The following PDLIM5 variants were observed in gnomAD, a reference collection of about 807,000 sequenced individuals.
PDLIM5 encodes PDZ and LIM domain protein 5.
PDLIM5 carries 34 observed loss-of-function variants against 64.2 expected under a neutral mutation model. The observed-to-expected ratio is 0.53, with a 90% CI of 0.40 to 0.71. The LOEUF (loss-of-function observed/expected upper bound fraction) is 0.71. PDLIM5 is among the 30% of genes least tolerant of loss of function. The pLI, the probability that PDLIM5 is intolerant of heterozygous loss-of-function variation, is 0.00. For synonymous variants in PDLIM5, 253 were observed against 269.1 expected, an observed-to-expected ratio of 0.94 and a Z score of 0.59; for missense variants, 683 against 733.6, an observed-to-expected ratio of 0.93 and a Z score of 0.80.
At chr4:94,527,855 G>T (rs1212378112) in intron 3 of PDLIM5, among the ~76,000 whole-genome samples, 1 of 152,184 alleles carries the variant, frequency 6.6e-6, no homozygotes, top group African/African-American at 2.4e-5. Flanking sequence ...AGAGGGCTAG[G>T]AGGTAGCTTA....
chr4:94,529,069 G>A (rs1730626271), intron 3 of PDLIM5, among the ~76,000 whole-genome samples: 1 of 152,198 alleles, frequency 6.6e-6, no homozygotes, highest in African/African-American at 2.4e-5. Flanking sequence ...AGAACTTGTA[G>A]GGCCTTGTGG....
intron 3 of PDLIM5, among the ~76,000 whole-genome samples, chr4:94,559,851 A>G (rs1408342052): frequency 6.6e-6 from 1 of 152,236 alleles, no homozygotes; most frequent in Non-Finnish European, 1.5e-5. Flanking sequence ...CATGTTGGAT[A>G]CACAGTAATA....
chr4:94,472,583 G>T (rs766549195), intron 2 of PDLIM5, among the ~76,000 whole-genome samples: 1 of 152,192 alleles, frequency 6.6e-6, no homozygotes, highest in Non-Finnish European at 1.5e-5. Flanking sequence ...TGCTTTCTAG[G>T]TGTTTTTCCA....
chr4:94,650,798 C>T (rs943276612), intron 9 of PDLIM5, among the ~76,000 whole-genome samples: 1 of 151,982 alleles, frequency 6.6e-6, no homozygotes, highest in Non-Finnish European at 1.5e-5. Context: ...CCTTCCCTAC[C>T]TTTCCTTTCT....
At chr4:94,560,006 C>T (rs921868238) in intron 3 of PDLIM5, among the ~76,000 whole-genome samples, 5 of 152,084 alleles carry the variant, frequency 3.3e-5, no homozygotes, top group African/African-American at 7.2e-5. Flanking sequence ...CTGGCCAGCC[C>T]GTGACTGTTT....
At chr4:94,494,432 G>GTTTTTTTTTTTTTTTTTTTTTTT (rs61675663) in intron 2 of PDLIM5, among the ~76,000 whole-genome samples, 3 of 70,770 alleles carry the variant, frequency 4.2e-5, no homozygotes, top group Middle Eastern at 0.011. Context: ...TTTTTTTCTT[G>GTTTTTTTTTTTTTTTTTTTTTTT]TTTTTTTTTT....
intron 5 of PDLIM5, among the ~76,000 whole-genome samples, chr4:94,583,736 T>A (rs1378195591): frequency 6.6e-6 from 1 of 152,222 alleles, no homozygotes; most frequent in African/African-American, 2.4e-5. Flanking sequence ...GCATAAATGT[T>A]ACTGATTTGT....
chr4:94,468,140 TCACTTTTTTCCCTCTATG>T (rs1402288750), intron 2 of PDLIM5, among the ~76,000 whole-genome samples: 1 of 152,134 alleles, frequency 6.6e-6, no homozygotes, highest in African/African-American at 2.4e-5. Flanking sequence ...GATGGAACTT[TCACTTTTTTCCCTCTATG>T]CACTTTTTTT....
At chr4:94,568,796 C>T (rs1385191059) in intron 3 of PDLIM5, among the ~76,000 whole-genome samples, 2 of 152,208 alleles carry the variant, frequency 1.3e-5, no homozygotes, top group African/African-American at 4.8e-5. Context: ...ATATATAAAA[C>T]ACTTATTCTT....
At chr4:94,631,957 T>C (rs950873617) in intron 8 of PDLIM5, among the ~76,000 whole-genome samples, 1 of 152,282 alleles carries the variant, frequency 6.6e-6, no homozygotes, top group Non-Finnish European at 1.5e-5. Flanking sequence ...CTAGCTTAGA[T>C]ACTTCTCCTG....
chr4:94,589,593 C>T (rs987374096), intron 7 of PDLIM5, among the ~76,000 whole-genome samples: 3 of 152,130 alleles, frequency 2.0e-5, no homozygotes, highest in Non-Finnish European at 4.4e-5. Context: ...TATTGTAAAT[C>T]TAGTGACCTA....
At chr4:94,452,665 CAAT>C (rs1317212539) in intron 1 of PDLIM5, among the ~76,000 whole-genome samples, 1 of 152,120 alleles carries the variant, frequency 6.6e-6, no homozygotes, top group Non-Finnish European at 1.5e-5. Flanking sequence ...GTGCGTTTTA[CAAT>C]AAGTGGAAAA....
At chr4:94,598,210 T>C (rs575300725) in intron 7 of PDLIM5, among the ~76,000 whole-genome samples, 3 of 152,154 alleles carry the variant, frequency 2.0e-5, no homozygotes, top group Non-Finnish European at 4.4e-5. Flanking sequence ...CCAATAAGGT[T>C]GGCAAACCTA....
intron 10 of PDLIM5, 134 bp downstream of exon 10, chr4:94,654,774 A>G (rs1438282457): frequency 6.5e-6 from 4 of 612,422 alleles, no homozygotes; most frequent in Non-Finnish European, 1.1e-5. Flanking sequence ...ACTATTTATT[A>G]TTGTAAAGCA....
chr4:94,567,905 G>A (rs1483222932), intron 3 of PDLIM5, among the ~76,000 whole-genome samples: 3 of 152,180 alleles, frequency 2.0e-5, no homozygotes, highest in African/African-American at 7.2e-5. Context: ...TGGAAGTTCA[G>A]ATGGATCACC....
At chr4:94,562,597 T>C (rs1733941161) in intron 3 of PDLIM5, among the ~76,000 whole-genome samples, 1 of 152,214 alleles carries the variant, frequency 6.6e-6, no homozygotes, top group African/African-American at 2.4e-5. Flanking sequence ...TCAAGGTTTT[T>C]GTTTAGTGGA....
intron 11 of PDLIM5, among the ~76,000 whole-genome samples, chr4:94,661,516 G>A (rs889648435): frequency 6.6e-6 from 1 of 152,180 alleles, no homozygotes; most frequent in East Asian, 1.9e-4. Context: ...CAAGTAAATG[G>A]TCTTTTCTGG....
Position 94,585,654 on chromosome 4 carries a change from A to G in PDLIM5, c.800A>G (p.Asp267Gly), listed in dbSNP as rs766480634. ...SDASKKRLIE[D>G]TEDWRPRTGT... Reference sequence around the variant, plus strand: ...GCCAGCAAGAAGAGACTGATTGAGGATACTGAAGACTGGCGTCCAAGGACT... The same window carrying G: ...GCCAGCAAGAAGAGACTGATTGAGGGTACTGAAGACTGGCGTCCAAGGACT... The change falls in exon 6 of 13, where the codon GAT becomes GGT. Residue 267 changes from aspartate to glycine, a missense_variant. By Grantham distance (94) the Asp-to-Gly change is moderately conservative. Transcript: ENST00000317968. 1.2e-6 allele frequency: 2 copies of G among 1,613,066 alleles called. No homozygotes were observed. Among genetic ancestry groups the G allele is most frequent in the South Asian group, 1.1e-5 (1 of 91,040 alleles).
intron 2 of PDLIM5, among the ~76,000 whole-genome samples, chr4:94,475,710 A>G (rs1411933778): frequency 6.6e-6 from 1 of 152,222 alleles, no homozygotes; most frequent in South Asian, 2.1e-4. Flanking sequence ...GAATATACTT[A>G]ACATTACTAA....
Sources: gnomAD v4.1 joint callset for allele counts (sites outside exome capture counted in the v4.1 genomes callset) on GRCh38, gnomAD v4.1.1 for gene constraint, MANE v1.5 for transcripts, NCBI Gene and HGNC (gene_info 2026-07-23, HGNC 2026-07-21) for gene names.